GGT1: variants seen among roughly 807,000 people sequenced by gnomAD.
GGT1 encodes the protein gamma-glutamyltransferase 1.
GGT1 carries 21 observed loss-of-function variants against 56.0 expected under a neutral mutation model. The observed-to-expected ratio is 0.38, with a 90% CI of 0.27 to 0.54. The LOEUF (loss-of-function observed/expected upper bound fraction) is 0.54. Among genes scored for constraint, GGT1 ranks in the 20% least tolerant of loss-of-function variants. The probability of loss-of-function intolerance (pLI) is 0.82; values close to 1 mark genes in which losing one functional copy is unlikely to be tolerated. For missense variants in GGT1, 466 were observed against 787.0 expected (o/e 0.59, Z 4.88); for synonymous variants, 238 against 342.6 (o/e 0.69, Z 3.37).
rs2047948809 is a variant in GGT1 at position 24,628,782 on chromosome 22, T to C, written c.1653T>C (p.Ala551=). The C allele has an allele frequency of 6.2e-7, 1 of 1,608,676 alleles. No individual in the cohort carries two copies. Among genetic ancestry groups the C allele is most frequent in the Non-Finnish European group, 8.5e-7 (1 of 1,177,770 alleles). ...IAVVQAIVRT[A]GGWAAASDSR... is the part of the protein sequence containing the mutation. ...TGGTGCAAGCCATCGTCCGCACGGC[T>C]GGTGGCTGGGCAGCTGCCTCGGACT... Residue 551 remains alanine (A), a synonymous_variant, in exon 16 of 16, where the codon GCT becomes GCC. Coordinates refer to ENST00000400382, the MANE Select transcript of GGT1 (RefSeq NM_001288833.2). The surrounding 1 kb of genome is among the most constrained non-coding windows in gnomAD (Gnocchi z 5.7).
rs181680940 is a variant in GGT1, at chr22:24,605,642, A to T, written c.-429+2115A>T. ...ATATTATATAATGTGTATTATATATATAATATTATATAATGTGTATTATAT... is the reference window on the plus strand; with the variant it reads ...ATATTATATAATGTGTATTATATATTTAATATTATATAATGTGTATTATAT... On this transcript the variant is annotated intron_variant, in intron 1 of 15. Coordinates refer to ENST00000400382, the MANE Select transcript of GGT1 (RefSeq NM_001288833.2). Among the ~76,000 whole-genome samples, 119 of 19,392 alleles carry T rather than the reference A, an allele frequency of 6.1e-3. 34 individuals are homozygous for T. The highest frequency in any genetic ancestry group is 8.7e-3 in the African/African-American group (15 of 1,732). The allele number at this position is 19,392 out of a possible 152,430, so 12.7% of individuals were successfully genotyped here. A position where few individuals can be genotyped will look rare whatever the true frequency, so the allele number is the denominator to read the frequency against.
At chr22:24,587,833 G>A in the GGT1 span, among the ~76,000 whole-genome samples, 11 of 152,254 alleles carry the variant, frequency 7.2e-5, no homozygotes, top group African/African-American at 1.4e-4. Flanking sequence ...AATGAGAATC[G>A]CGATCCAGAA....
At chr22:24,595,550 C>A (rs2045678622) in intron 1 of GGT1, among the ~76,000 whole-genome samples, 1 of 152,238 alleles carries the variant, frequency 6.6e-6, no homozygotes, top group Non-Finnish European at 1.5e-5. Flanking sequence ...GCCCTGGATT[C>A]TTCAGGGTAG....
At chr22:24,604,631 G>C (rs1014805039) in intron 1 of GGT1, among the ~76,000 whole-genome samples, 4 of 152,030 alleles carry the variant, frequency 2.6e-5, no homozygotes, top group East Asian at 1.9e-4. Flanking sequence ...GTGGGGTCTG[G>C]AGAAGACTTC....
At chr22:24,596,520 G>A (rs932977051) in intron 1 of GGT1, among the ~76,000 whole-genome samples, 9 of 152,000 alleles carry the variant, frequency 5.9e-5, no homozygotes, top group African/African-American at 4.8e-5. Context: ...GAACTCCTGG[G>A]TCCAAGCAGT....
At chr22:24,627,691 G>A (rs2047881154) in intron 12 of GGT1, 72 bp downstream of exon 12, 2 of 1,559,060 alleles carry the variant, frequency 1.3e-6, no homozygotes, top group Non-Finnish European at 1.7e-6. Flanking sequence ...CACTTATCCA[G>A]TAAGGTGGCT....
At chr22:24,602,464 A>G (rs537302906), upstream of GGT1, among the ~76,000 whole-genome samples, 36 of 152,336 alleles carry the variant, frequency 2.4e-4, 1 homozygote, top group South Asian at 6.8e-3. Flanking sequence ...GCTGCAGACC[A>G]TGTGTGGACC....
At chr22:24,587,658 G>A in the GGT1 span, among the ~76,000 whole-genome samples, 3 of 152,222 alleles carry the variant, frequency 2.0e-5, no homozygotes, top group African/African-American at 7.2e-5. Context: ...CCAGGATGGA[G>A]TGTCTGAGAG....
rs546800107 is a variant in GGT1 at position 24,623,096 on chromosome 22, T to A, written c.734-11T>A. On this transcript the variant is annotated splice_polypyrimidine_tract_variant and intron_variant, in intron 9 of 15. Transcript: ENST00000400382. Reference sequence around the variant, plus strand: ...ATCCCAGCACCCATTTGAGCTGCTGTCCCATTGCAGGGGGCATTGTGACAG... The same window carrying A: ...ATCCCAGCACCCATTTGAGCTGCTGACCCATTGCAGGGGGCATTGTGACAG... 5.0e-6 allele frequency: 8 copies of A among 1,611,830 alleles called. No individual in the cohort carries two copies. The African/African-American group carries it at 1.1e-4, about 21-fold the overall frequency.
At chr22:24,590,670 C>G (rs1207707711), upstream of GGT1, among the ~76,000 whole-genome samples, 1 of 152,148 alleles carries the variant, frequency 6.6e-6, no homozygotes, top group Non-Finnish European at 1.5e-5. Flanking sequence ...CCCACCTATC[C>G]CTTGGTTTTC....
chr22:24,597,018 G>C (rs1334436837), intron 1 of GGT1, among the ~76,000 whole-genome samples: 1 of 131,392 alleles, frequency 7.6e-6, no homozygotes, highest in East Asian at 2.3e-4. Flanking sequence ...GTCTCACTCT[G>C]TTAGCCCAGG....
intron 1 of GGT1, among the ~76,000 whole-genome samples, chr22:24,606,383 C>T (rs2046325357): frequency 6.6e-6 from 1 of 151,954 alleles, no homozygotes; most frequent in Non-Finnish European, 1.5e-5. Flanking sequence ...TGAGAACATG[C>T]ATGTCTTATA....
At chr22:24,584,789 C>G in the GGT1 span, among the ~76,000 whole-genome samples, 1 of 151,986 alleles carries the variant, frequency 6.6e-6, no homozygotes, top group Non-Finnish European at 1.5e-5. Context: ...AGTATCCCCC[C>G]GGACATCTCT....
chr22:24,588,193 C>G, the GGT1 span: 33 of 1,567,668 alleles, frequency 2.1e-5, no homozygotes, highest in Non-Finnish European at 2.7e-5. Flanking sequence ...TGAGGAGGGG[C>G]AGTGGCTGGG....
At chr22:24,619,497 A>C (rs1325464345) in intron 7 of GGT1, among the ~76,000 whole-genome samples, 2 of 151,906 alleles carry the variant, frequency 1.3e-5, no homozygotes, top group African/African-American at 4.8e-5. Context: ...TGAGCCTGGG[A>C]AGCCAAGGCT....
At chr22:24,586,462 C>A in the GGT1 span, 2 of 1,559,500 alleles carry the variant, frequency 1.3e-6, no homozygotes, top group Non-Finnish European at 1.7e-6. Context: ...GCAGTCCCCC[C>A]ACTGACCACA....
intron 2 of GGT1, among the ~76,000 whole-genome samples, chr22:24,608,312 C>T (rs866256995): frequency 6.6e-6 from 1 of 152,204 alleles, no homozygotes; most frequent in Non-Finnish European, 1.5e-5. Context: ...AGGGACAGGG[C>T]CCAGCACTGC....
chr22:24,616,330 C>T (rs1302823824), intron 7 of GGT1, among the ~76,000 whole-genome samples: 1 of 151,322 alleles, frequency 6.6e-6, no homozygotes, highest in Non-Finnish European at 1.5e-5. Flanking sequence ...AGGAGAATCG[C>T]TTGAACCCAG....
the GGT1 span, chr22:24,589,362 C>G: frequency 8.9e-7 from 1 of 1,128,648 alleles, no homozygotes; most frequent in South Asian, 1.9e-5. Context: ...AGTGAGCACC[C>G]GTCCGCAAGG....
Sources: allele counts gnomAD v4.1 joint callset (sites outside exome capture counted in the v4.1 genomes callset), GRCh38; gene constraint gnomAD v4.1.1; non-coding constraint Gnocchi (gnomAD v3.1); transcripts MANE v1.5; gene names NCBI Gene and HGNC (gene_info 2026-07-23, HGNC 2026-07-21).